Variants in GPHN observed in about 807,000 individuals in gnomAD.
GPHN encodes the protein gephyrin.
A neutral mutation model predicts 95.5 loss-of-function variants in GPHN; 17 were observed. The observed-to-expected ratio is 0.18, with a 90% CI of 0.12 to 0.27. The LOEUF is 0.27. Among genes scored for constraint, GPHN ranks in the 10% least tolerant of loss-of-function variants. The pLI, the probability that GPHN is intolerant of heterozygous loss-of-function variation, is 1.00. For missense variants in GPHN, 660 were observed against 978.1 expected (o/e 0.67, Z 4.34); for synonymous variants, 320 against 322.5 (o/e 0.99, Z 0.08).
the GPHN span, chr14:67,593,391 T>C: frequency 3.8e-6 from 1 of 262,056 alleles, no homozygotes; most frequent in Non-Finnish European, 7.4e-6. Context: ...CTCAGGAGGC[T>C]GAGGTGGGAG....
chr14:66,648,990 A>G (rs1373119599), intron 1 of GPHN, among the ~76,000 whole-genome samples: 1 of 152,134 alleles, frequency 6.6e-6, no homozygotes, highest in Non-Finnish European at 1.5e-5. Flanking sequence ...GTTTGATCTT[A>G]CCCCTAAACT....
chr14:67,696,919 C>G, the GPHN span, among the ~76,000 whole-genome samples: 2 of 152,272 alleles, frequency 1.3e-5, no homozygotes, highest in South Asian at 4.1e-4. Flanking sequence ...AGAGGGTTTC[C>G]TTCACACAAT....
chr14:67,266,706 T>C, the GPHN span, among the ~76,000 whole-genome samples: 1 of 152,238 alleles, frequency 6.6e-6, no homozygotes, highest in Non-Finnish European at 1.5e-5. Context: ...CATTCATTGT[T>C]GGAAACTTAA....
At position 66,883,924 on chromosome 14, in the gene GPHN, C is replaced by T. The variant is rs1450683341; in HGVS notation, c.389+3891C>T. ...TTCACATCCAAAATTAGAGAATCCA[C>T]CTTCTTTAGCTCTCTTCTTTTCAAG... On this transcript the variant is annotated intron_variant, in intron 5 of 22. Coordinates refer to ENST00000478722, the MANE Select transcript of GPHN (RefSeq NM_020806.5). Among the ~76,000 whole-genome samples, 6 of 152,072 alleles carry T rather than the reference C, an allele frequency of 3.9e-5. 1 individual carries two copies. Among genetic ancestry groups the T allele is most frequent in the Non-Finnish European group, 8.8e-5 (6 of 67,968 alleles).
At chr14:66,942,822 A>G (rs1596458926) in intron 8 of GPHN, among the ~76,000 whole-genome samples, 1 of 152,202 alleles carries the variant, frequency 6.6e-6, no homozygotes, top group African/African-American at 2.4e-5. Flanking sequence ...TATCAGGAAA[A>G]ACAATTTTGA....
At chr14:67,492,069 C>G in the GPHN span, among the ~76,000 whole-genome samples, 2 of 152,152 alleles carry the variant, frequency 1.3e-5, no homozygotes, top group East Asian at 3.9e-4. Context: ...CCTGTCCTTT[C>G]CCTCTCCTCT....
chr14:66,909,589 A>G (rs2065566651), intron 5 of GPHN, among the ~76,000 whole-genome samples: 1 of 152,080 alleles, frequency 6.6e-6, no homozygotes, highest in African/African-American at 2.4e-5. Context: ...ATTGATGCAG[A>G]AAAAGCATTT....
chr14:66,778,956 C>T (rs1266363740), intron 3 of GPHN, among the ~76,000 whole-genome samples: 3 of 151,770 alleles, frequency 2.0e-5, no homozygotes, highest in African/African-American at 4.8e-5. Flanking sequence ...GTTGGCCAGG[C>T]TGGTCTTGAA....
At chr14:67,693,192 T>C in the GPHN span, 1 of 542,384 alleles carries the variant, frequency 1.8e-6, no homozygotes, top group Non-Finnish European at 3.2e-6. Context: ...AGTGTCCATT[T>C]AAGGAAAGTT....
chr14:67,427,766 A>T, the GPHN span, among the ~76,000 whole-genome samples: 2 of 152,038 alleles, frequency 1.3e-5, no homozygotes, highest in Non-Finnish European at 2.9e-5. Flanking sequence ...AGGGTGTGTA[A>T]GCTTAGTCTC....
intron 1 of GPHN, among the ~76,000 whole-genome samples, chr14:66,673,649 GA>G (rs1260518242): frequency 6.6e-6 from 1 of 152,102 alleles, no homozygotes; most frequent in African/African-American, 2.4e-5. Flanking sequence ...TCAGGAAAAA[GA>G]AAAATTTTTA....
At chr14:67,396,133 TTTTTG>T in the GPHN span, among the ~76,000 whole-genome samples, 7 of 151,806 alleles carry the variant, frequency 4.6e-5, no homozygotes, top group African/African-American at 1.2e-4. Context: ...TCGCTTTGTT[TTTTTG>T]TTTTGTTTTG....
chr14:66,951,081 T>G (rs543388984), intron 8 of GPHN, among the ~76,000 whole-genome samples: 42 of 152,072 alleles, frequency 2.8e-4, no homozygotes, highest in African/African-American at 9.2e-4. Flanking sequence ...CCTGCCACCA[T>G]GCCCAGCTAA....
chr14:67,364,977 T>C, the GPHN span: 1 of 1,613,466 alleles, frequency 6.2e-7, no homozygotes, highest in South Asian at 1.1e-5. Context: ...GGAATGAGTG[T>C]GTGGTTGTCA....
chr14:67,578,448 T>C, the GPHN span: 1 of 1,000,300 alleles, frequency 1.0e-6, no homozygotes. The surrounding 1 kb of genome is among the most constrained non-coding windows in gnomAD (Gnocchi z 5.0). Flanking sequence ...GGGGAAAGAG[T>C]GCTGAAGGCT....
the GPHN span, among the ~76,000 whole-genome samples, chr14:67,601,873 T>C: frequency 0.89 from 135,093 of 151,738 alleles, 60,239 homozygotes; most frequent in Admixed American, 0.93. Flanking sequence ...TGTGTCTATA[T>C]TCATTTAAAA....
chr14:66,966,395 C>T (rs892581315), intron 9 of GPHN, among the ~76,000 whole-genome samples: 1 of 151,630 alleles, frequency 6.6e-6, no homozygotes, highest in Non-Finnish European at 1.5e-5. Context: ...AGATATATGT[C>T]AAAAAAACTG....
chr14:67,546,709 A>G, the GPHN span, among the ~76,000 whole-genome samples: 1 of 152,132 alleles, frequency 6.6e-6, no homozygotes, highest in Non-Finnish European at 1.5e-5. Flanking sequence ...ATGTTTTTAA[A>G]AAATTATTCT....
chr14:66,580,305 A>G (rs995108669), intron 1 of GPHN, among the ~76,000 whole-genome samples: 1 of 151,862 alleles, frequency 6.6e-6, no homozygotes, highest in African/African-American at 2.4e-5. Flanking sequence ...GGAACTAGAA[A>G]AATAACACAC....
Sources: gnomAD v4.1 joint callset for allele counts (sites outside exome capture counted in the v4.1 genomes callset) on GRCh38, gnomAD v4.1.1 for gene constraint, Gnocchi (gnomAD v3.1) non-coding constraint, MANE v1.5 for transcripts, NCBI Gene and HGNC (gene_info 2026-07-23, HGNC 2026-07-21) for gene names.